Variants in PELI3 observed in about 807,000 individuals in gnomAD.
The protein encoded by PELI3 is pellino E3 ubiquitin protein ligase family member 3, also known as E3 ubiquitin-protein ligase pellino homolog 3.
PELI3 carries 19 observed loss-of-function variants against 35.5 expected under a neutral mutation model. That is an observed-to-expected ratio of 0.54 (90% CI 0.37 to 0.79). The LOEUF (loss-of-function observed/expected upper bound fraction) is 0.79, where lower values mean the gene tolerates loss of function less well. Among genes scored for constraint, PELI3 ranks in the 30% least tolerant of loss-of-function variants. The pLI is 0.00. For synonymous variants in PELI3, 262 were observed against 279.2 expected (o/e 0.94, Z 0.62); for missense variants, 490 against 661.2 (o/e 0.74, Z 2.84).
intron 3 of PELI3, among the ~76,000 whole-genome samples, chr11:66,470,978 C>T (rs943124648): frequency 6.6e-6 from 1 of 152,188 alleles, no homozygotes; most frequent in Non-Finnish European, 1.5e-5. Context: ...CAGCACCCAT[C>T]CAGGCATGGC....
In PELI3 at chr11:66,473,353, G is replaced by A; in HGVS notation, c.569G>A (p.Arg190His). Residue 190 changes from arginine to histidine, a missense_variant, in exon 6 of 8, where the codon CGC (arginine) becomes CAC (histidine). Arg to His is a conservative substitution (Grantham distance 29). This residue lies in a region of PELI3 where 349 missense variants were observed against 484.8 expected (regional missense o/e 0.72). Coordinates refer to ENST00000320740, the MANE Select transcript of PELI3 (RefSeq NM_145065.3). This position sits in a 1 kb window ranked among gnomAD's most constrained non-coding sequence, Gnocchi z 5.8. ...AQSTISRYAC[R>H]ILCDRRPPYT... The stretch of plus-strand genomic sequence containing the variant: ...AGCACCATCTCCCGCTATGCCTGCC[G>A]CATCCTCTGTGACCGCCGGCCACCC... The A allele has an allele frequency of 6.2e-7, 1 of 1,613,422 alleles. No homozygotes were observed. The highest frequency in any genetic ancestry group is 8.5e-7 in the Non-Finnish European group (1 of 1,180,010).
Position 66,473,515 on chromosome 11 carries a change from A to G in PELI3, c.651+80A>G, listed in dbSNP as rs1854794983. ...TTGGGAGGTGCAGCATCTTGAGGTG[A>G]TGAACCAGCCCACAGTAATCCAAAT... is the stretch of plus-strand genomic sequence containing the variant. On this transcript the variant is annotated intron_variant, in intron 6 of 7. Coordinates refer to ENST00000320740, the MANE Select transcript of PELI3 (RefSeq NM_145065.3). This position sits in a 1 kb window ranked among gnomAD's most constrained non-coding sequence, Gnocchi z 5.8. The G allele has an allele frequency of 1.4e-6, 2 of 1,460,596 alleles. No homozygotes were observed. The highest frequency in any genetic ancestry group is 1.4e-5 in the African/African-American group (1 of 71,020). The allele number at this position is 1,460,596 out of a possible 1,614,324, so 90.5% of individuals were successfully genotyped here. A position where few individuals can be genotyped will look rare whatever the true frequency, so the allele number is the denominator to read the frequency against.
In PELI3 at chr11:66,473,596, G is replaced by C; in HGVS notation, c.652-141G>C. On this transcript the variant is annotated intron_variant, in intron 6 of 7. Coordinates refer to ENST00000320740, the MANE Select transcript of PELI3 (RefSeq NM_145065.3). This position sits in a 1 kb window ranked among gnomAD's most constrained non-coding sequence, Gnocchi z 5.8. Reference sequence around the variant, plus strand: ...ACTGATGAGCAAAGTGAGGCCCAGAGAGACGCTCAAGTCATGCAGCTTCAA... The same window carrying C: ...ACTGATGAGCAAAGTGAGGCCCAGACAGACGCTCAAGTCATGCAGCTTCAA... 1 of 1,336,598 alleles carries C rather than the reference G, an allele frequency of 7.5e-7. No homozygotes were observed. The highest frequency in any genetic ancestry group is 1.4e-5 in the South Asian group (1 of 73,496). The allele number at this position is 1,336,598 out of a possible 1,614,324, so 82.8% of individuals were successfully genotyped here.
At chr11:66,474,389 A>C in intron 7 of PELI3, 1 of 385,562 alleles carries the variant, frequency 2.6e-6, no homozygotes, top group Non-Finnish European at 4.7e-6. Context: ...GTTCTGACAC[A>C]GGTGTTAGTG....
rs1854704574 is a variant in PELI3, at chr11:66,471,243, T to C, written c.226T>C (p.Tyr76His). ...CTTCTTAACCCCCGACATCTACAGC[T>C]ACAATGGTTGTCTGGCAAGTGGGGA... ...EVTGPRAHSC[Y>H]NGCLASGDKG... Residue 76 changes from tyrosine (Y) to histidine (H), a missense_variant and splice_region_variant, in exon 4 of 8, where the codon TAC becomes CAC. Physicochemically the swap from Tyr to His is moderately conservative, Grantham distance 83. Transcript: ENST00000320740. 6.2e-7 allele frequency: 1 copy of C among 1,612,166 alleles called. No individual in the cohort carries two copies. Among genetic ancestry groups the C allele is most frequent in the South Asian group, 1.1e-5 (1 of 90,964 alleles).
intron 2 of PELI3, 125 bp from the exon 3 acceptor site, chr11:66,468,708 A>G (rs1010532240): frequency 3.5e-6 from 2 of 567,858 alleles, no homozygotes; most frequent in African/African-American, 1.9e-5. Flanking sequence ...GGGTTGTTGG[A>G]AGAAATGAAT....
intron 2 of PELI3, 129 bp downstream of exon 2, chr11:66,468,409 A>G (rs940904782): frequency 1.0e-6 from 1 of 961,178 alleles, no homozygotes; most frequent in Admixed American, 3.7e-5. Flanking sequence ...TTCCTAGCTG[A>G]AAGACAAAAT....
At chr11:66,469,086 C>A (rs1225382638) in intron 3 of PELI3, among the ~76,000 whole-genome samples, 182 bp downstream of exon 3, 2 of 152,286 alleles carry the variant, frequency 1.3e-5, no homozygotes, top group East Asian at 3.9e-4. Flanking sequence ...GACCAGGATC[C>A]CTGCACCATC....
chr11:66,472,358 C>T lies in PELI3; in HGVS notation c.355-11C>T, dbSNP rs779209084. 7.4e-6 allele frequency: 12 copies of T among 1,611,548 alleles called. No homozygotes were observed. The highest frequency in any genetic ancestry group is 1.7e-4 in the Middle Eastern group (1 of 6,046). On this transcript the variant is annotated splice_polypyrimidine_tract_variant and intron_variant, in intron 4 of 7. Coordinates refer to ENST00000320740, the MANE Select transcript of PELI3 (RefSeq NM_145065.3). ...GCACACCCTGGCAAGTGACTTTTTT[C>T]TCCCCACCAGGCACTGAGTAACCGT...
At position 66,473,485 on chromosome 11, in the gene PELI3, T is replaced by G; in HGVS notation, c.651+50T>G. The G allele has an allele frequency of 6.4e-7, 1 of 1,553,858 alleles. No homozygotes were observed. Among genetic ancestry groups the G allele is most frequent in the Non-Finnish European group, 8.7e-7 (1 of 1,144,140 alleles). ...AACTCTTCATCTGTGAGGCAAGGGG[T>G]AGGCTTGGGAGGTGCAGCATCTTGA... On this transcript the variant is annotated intron_variant, in intron 6 of 7. Transcript: ENST00000320740. The surrounding 1 kb of genome is among the most constrained non-coding windows in gnomAD (Gnocchi z 5.8).
intron 3 of PELI3, among the ~76,000 whole-genome samples, chr11:66,469,830 T>C (rs1483515604): frequency 7.2e-6 from 1 of 139,338 alleles, no homozygotes; most frequent in Non-Finnish European, 1.5e-5. Flanking sequence ...GACAGAGTCT[T>C]GCTCTGTCAC....
chr11:66,476,450 G>A lies in PELI3; in HGVS notation c.*283G>A, dbSNP rs529848961. Reference sequence around the variant, plus strand: ...TGCCCTTCCTGGGGCATCCCACATCGTGCCGCCGACACTGTGTGCCCCTGG... The same window carrying A: ...TGCCCTTCCTGGGGCATCCCACATCATGCCGCCGACACTGTGTGCCCCTGG... On this transcript the variant is annotated 3_prime_UTR_variant, in exon 8 of 8. Transcript: ENST00000320740. The A allele has an allele frequency of 3.1e-5, 15 of 485,566 alleles. No homozygotes were observed. The highest frequency in any genetic ancestry group is 1.4e-4 in the African/African-American group (7 of 50,912). 30.1% of individuals were successfully genotyped at this position (485,566 alleles called of 1,614,324 possible). A position where few individuals can be genotyped will look rare whatever the true frequency, so the allele number is the denominator to read the frequency against.
rs557525436 is a variant in PELI3, at chr11:66,473,953, C to G, written c.840+28C>G. The G allele has an allele frequency of 2.8e-5, 45 of 1,609,856 alleles. No individual in the cohort carries two copies. In the African/African-American group the frequency reaches 5.7e-4, roughly 20 times the overall value. On this transcript the variant is annotated intron_variant, in intron 7 of 7. Coordinates refer to ENST00000320740, the MANE Select transcript of PELI3 (RefSeq NM_145065.3). The surrounding 1 kb of genome is among the most constrained non-coding windows in gnomAD (Gnocchi z 5.8). Reference sequence around the variant, plus strand: ...AGGTGGCCCGCTCCATTCCCCACCCCTATCCTTGCCAGGCCCTCACAAGCT... The same window carrying G: ...AGGTGGCCCGCTCCATTCCCCACCCGTATCCTTGCCAGGCCCTCACAAGCT...
chr11:66,472,326 C>A, intron 4 of PELI3, 43 bp from the exon 5 acceptor site: 1 of 1,512,290 alleles, frequency 6.6e-7, no homozygotes, highest in Non-Finnish European at 9.2e-7. Context: ...ATACACTTAT[C>A]ATGGCTGCAC....
chr11:66,471,064 C>T (rs1427528772), intron 3 of PELI3, among the ~76,000 whole-genome samples, 178 bp from the exon 4 acceptor site: 1 of 152,184 alleles, frequency 6.6e-6, no homozygotes, highest in Non-Finnish European at 1.5e-5. Flanking sequence ...CTCCCACTCC[C>T]CAAGGTACCA....
Position 66,472,455 on chromosome 11 carries a change from C to A in PELI3, c.441C>A (p.Asp147Glu), listed in dbSNP as rs1854757635. Reference sequence around the variant, plus strand: ...TAGTGGAGTATACACATGATAGCGACACAGACATGTTCCAGGTATGCTCAG... The same window carrying A: ...TAGTGGAGTATACACATGATAGCGAAACAGACATGTTCCAGGTATGCTCAG... ...SVIVEYTHDS[D>E]TDMFQIGRST... is the part of the protein sequence containing the mutation. Residue 147 changes from aspartate (D) to glutamate (E), a missense_variant, in exon 5 of 8, where the codon GAC becomes GAA. Asp to Glu is a conservative substitution (Grantham distance 45, BLOSUM62 2). This residue lies in a region of PELI3 where 349 missense variants were observed against 484.8 expected (regional missense o/e 0.72). Coordinates refer to ENST00000320740, the MANE Select transcript of PELI3 (RefSeq NM_145065.3). 6.2e-7 allele frequency: 1 copy of A among 1,614,004 alleles called. No homozygotes were observed. The highest frequency in any genetic ancestry group is 8.5e-7 in the Non-Finnish European group (1 of 1,179,868).
chr11:66,473,892 G>C lies in PELI3; in HGVS notation c.807G>C (p.Arg269=). Residue 269 remains arginine (R), a synonymous_variant, in exon 7 of 8, where the codon CGG becomes CGC. Transcript: ENST00000320740. This position sits in a 1 kb window ranked among gnomAD's most constrained non-coding sequence, Gnocchi z 5.8. ...ISVCGNVYTL[R]DSRSAQQRGK... is the part of the protein sequence containing the mutation. ...TCTGTGGGAATGTGTACACATTGCG[G>C]GACAGCCGCTCAGCCCAGCAGCGGG... 1 of 1,613,588 alleles carries C rather than the reference G, an allele frequency of 6.2e-7. No individual in the cohort carries two copies. The highest frequency in any genetic ancestry group is 8.5e-7 in the Non-Finnish European group (1 of 1,180,004).
At chr11:66,474,033 G>T in intron 7 of PELI3, 108 bp downstream of exon 7, 1 of 1,394,492 alleles carries the variant, frequency 7.2e-7, no homozygotes, top group Non-Finnish European at 9.9e-7. Flanking sequence ...GCCCCAGGGA[G>T]CCCCAACAGG....
intron 7 of PELI3, 54 bp from the exon 8 acceptor site, chr11:66,475,544 C>T (rs1398581190): frequency 8.9e-6 from 14 of 1,580,568 alleles, no homozygotes; most frequent in East Asian, 4.5e-5. Context: ...GGGATGGACC[C>T]GCGGCTCAGC....
Sources: allele counts gnomAD v4.1 joint callset (sites outside exome capture counted in the v4.1 genomes callset), GRCh38; gene constraint gnomAD v4.1.1; regional missense constraint gnomAD v4.1.1; non-coding constraint Gnocchi (gnomAD v3.1); transcripts MANE v1.5; gene names NCBI Gene and HGNC (gene_info 2026-07-23, HGNC 2026-07-21).